The following DCLRE1C variants were observed in gnomAD, a reference collection of about 807,000 sequenced individuals.
DCLRE1C encodes protein artemis.
Under a neutral mutation model 61.4 loss-of-function variants are expected in DCLRE1C, and 47 were observed. That is an observed-to-expected ratio of 0.77 (90% confidence interval 0.61 to 0.98). The LOEUF is 0.98. DCLRE1C is among the 50% of genes least tolerant of loss of function. The pLI is 0.00. For missense variants in DCLRE1C, 858 were observed against 816.0 expected, an observed-to-expected ratio of 1.05 and a Z score of -0.63; for synonymous variants, 337 against 287.6, an observed-to-expected ratio of 1.17 and a Z score of -1.74.
chr10:14,935,673 A>G, intron 5 of DCLRE1C, 109 bp from the exon 6 acceptor site: 2 of 1,071,470 alleles, frequency 1.9e-6, no homozygotes, highest in Non-Finnish European at 2.9e-6. Flanking sequence ...ATCCATTACA[A>G]TACAATGGTA....
At chr10:14,949,235 T>C in intron 1 of DCLRE1C, 148 bp from the exon 2 acceptor site, 2 of 657,948 alleles carry the variant, frequency 3.0e-6, no homozygotes, top group Non-Finnish European at 2.7e-6. Context: ...TATGAGCTCT[T>C]TCTTCTGCAA....
chr10:14,941,829 A>G (rs1379022994), intron 3 of DCLRE1C, among the ~76,000 whole-genome samples: 1 of 152,074 alleles, frequency 6.6e-6, no homozygotes, highest in Non-Finnish European at 1.5e-5. Flanking sequence ...TCATTAGTCC[A>G]CATTCACACA....
At chr10:14,941,138 A>G (rs1362810245) in intron 3 of DCLRE1C, among the ~76,000 whole-genome samples, 1 of 152,242 alleles carries the variant, frequency 6.6e-6, no homozygotes, top group Non-Finnish European at 1.5e-5. Context: ...TCAGCCTCCC[A>G]AAGTGCTGCG....
intron 1 of DCLRE1C, among the ~76,000 whole-genome samples, chr10:14,953,590 T>A (rs1169917889): frequency 6.6e-6 from 1 of 152,148 alleles, no homozygotes; most frequent in Admixed American, 6.6e-5. Context: ...AGCGAGGCTC[T>A]GAGGGAAGTA....
At position 14,906,066 on chromosome 10, in the gene DCLRE1C, C is replaced by G. The variant is rs931115137; in HGVS notation, c.*2342G>C. ...AACCAAGTAGCTGCTACAATTAACC[C>G]TGCTCATGTTTATACTTTTTTGGAG... On this transcript the variant is annotated 3_prime_UTR_variant, in exon 14 of 14. Coordinates refer to ENST00000378278, the MANE Select transcript of DCLRE1C (RefSeq NM_001033855.3). 6.6e-6 allele frequency among the ~76,000 whole-genome samples: 1 copy of G among 152,208 alleles called. No homozygotes were observed.
At chr10:14,936,466 C>G (rs903244367) in intron 5 of DCLRE1C, 72 bp downstream of exon 5, 8 of 1,320,630 alleles carry the variant, frequency 6.1e-6, no homozygotes, top group Non-Finnish European at 8.6e-6. Context: ...ATTTTAGACC[C>G]TAAAAATTTA....
rs1035157929 is a variant in DCLRE1C at position 14,912,785 on chromosome 10, C to T, written c.1157-3455G>A. On this transcript the variant is annotated intron_variant, in intron 13 of 13. Coordinates refer to ENST00000378278, the MANE Select transcript of DCLRE1C (RefSeq NM_001033855.3). Reference sequence around the variant, plus strand: ...CTGCAAGCTCTGCCTCCTGGGTTCACGCCATTCTGCCTCCGCTGCCCTAAT... The same window carrying T: ...CTGCAAGCTCTGCCTCCTGGGTTCATGCCATTCTGCCTCCGCTGCCCTAAT... Among the ~76,000 whole-genome samples, 6 of 152,232 alleles carry T rather than the reference C, an allele frequency of 3.9e-5. No individual in the cohort carries two copies. In the East Asian group the frequency reaches 1.2e-3, roughly 29 times the overall value.
At chr10:14,912,186 A>G (rs149657091) in intron 13 of DCLRE1C, among the ~76,000 whole-genome samples, 1 of 152,290 alleles carries the variant, frequency 6.6e-6, no homozygotes, top group African/African-American at 2.4e-5. Flanking sequence ...TAAGTGCTAG[A>G]ATTACAGGCT....
rs138980689 is a variant in DCLRE1C, at chr10:14,945,350, A to G, written c.162-161T>C. ...ATAAAAACACAAATACTAGCCTGGC[A>G]TGGTTATGAAATCTATTTCATCATA... is the stretch of plus-strand genomic sequence containing the variant. On this transcript the variant is annotated intron_variant, in intron 2 of 13. Coordinates refer to ENST00000378278, the MANE Select transcript of DCLRE1C (RefSeq NM_001033855.3). 347 of 1,383,204 alleles carry G rather than the reference A, an allele frequency of 2.5e-4. 1 individual carries two copies. In the African/African-American group the frequency reaches 4.6e-3, roughly 18 times the overall value. The allele number at this position is 1,383,204 out of a possible 1,614,324, so 85.7% of individuals were successfully genotyped here.
chr10:14,910,268 T>C (rs541174115), intron 13 of DCLRE1C, among the ~76,000 whole-genome samples: 2 of 152,252 alleles, frequency 1.3e-5, no homozygotes, highest in South Asian at 2.1e-4. Flanking sequence ...GACTTGTAAC[T>C]GAACTTAGGG....
rs1457448590 is a variant in DCLRE1C at position 14,908,596 on chromosome 10, G to A, written c.1891C>T (p.Pro631Ser). 2.5e-6 allele frequency: 4 copies of A among 1,613,968 alleles called. No individual in the cohort carries two copies. The South Asian group carries it at 3.3e-5, about 13-fold the overall frequency. The change falls in exon 14 of 14, where the codon CCC (proline) becomes TCC (serine). Residue 631 changes from proline (P) to serine (S), a missense_variant. This residue lies in a region of DCLRE1C where 843 missense variants were observed against 783.5 expected (regional missense o/e 1.08). Transcript: ENST00000378278. ...AGATTTAGCAAACTTTTTTCCTCGGGTATATGTGTCTCACTGCTTAGAGTA... is the reference window on the plus strand; with the variant it reads ...AGATTTAGCAAACTTTTTTCCTCGGATATATGTGTCTCACTGCTTAGAGTA... Reference protein sequence around the residue: ...PTTLSSETHIPEEKSLLNLST... With the variant: ...PTTLSSETHISEEKSLLNLST...
chr10:14,930,862 A>T (rs1001020210), intron 9 of DCLRE1C, among the ~76,000 whole-genome samples: 3 of 152,252 alleles, frequency 2.0e-5, no homozygotes, highest in African/African-American at 7.2e-5. Context: ...CCTGAATGCA[A>T]CATAGAATAT....
downstream of DCLRE1C, chr10:14,903,762 T>C (rs1411624149): frequency 6.6e-6 from 1 of 152,206 alleles, no homozygotes; most frequent in African/African-American, 2.4e-5. Flanking sequence ...AAATGATAAA[T>C]GCAGCAAATC....
chr10:14,902,369 C>A, downstream of DCLRE1C: 1 of 1,402,956 alleles, frequency 7.1e-7, no homozygotes, highest in Non-Finnish European at 9.8e-7. Flanking sequence ...ATTGTCTTAA[C>A]TCTCTTTCTC....
chr10:14,902,310 A>G (rs1834080011), downstream of DCLRE1C: 1 of 757,446 alleles, frequency 1.3e-6, no homozygotes, highest in Non-Finnish European at 2.1e-6. Flanking sequence ...AGTACCCTCT[A>G]TCACTGATAA....
Position 14,927,951 on chromosome 10 carries a change from A to G in DCLRE1C, c.917+65T>C, listed in dbSNP as rs532316501. 3.0e-4 allele frequency: 465 copies of G among 1,528,064 alleles called. 7 individuals are homozygous for G. Among genetic ancestry groups the G allele is most frequent in the Admixed American group, 1.0e-4 (6 of 59,672 alleles). 94.7% of individuals were successfully genotyped at this position (1,528,064 alleles called of 1,614,324 possible). ...TGGGCTTAGGCTAGACTGTGCTTAA[A>G]TGAAATTAAATCAGACAATTTACTC... On this transcript the variant is annotated intron_variant, in intron 10 of 13. Transcript: ENST00000378278.
intron 13 of DCLRE1C, among the ~76,000 whole-genome samples, chr10:14,916,721 C>G (rs565446744): frequency 2.6e-5 from 4 of 152,132 alleles, no homozygotes; most frequent in Non-Finnish European, 5.9e-5. Flanking sequence ...CAGACTTATA[C>G]GCTGGAAATC....
intron 10 of DCLRE1C, among the ~76,000 whole-genome samples, 168 bp from the exon 11 acceptor site, chr10:14,927,065 C>A (rs1838126707): frequency 6.6e-6 from 1 of 152,160 alleles, no homozygotes; most frequent in Admixed American, 6.5e-5. Context: ...CTTGGGATAG[C>A]AGGGAACCTT....
At chr10:14,909,372 G>C (rs896039199) in intron 13 of DCLRE1C, 42 bp from the exon 14 acceptor site, 2 of 1,573,082 alleles carry the variant, frequency 1.3e-6, no homozygotes, top group Non-Finnish European at 1.7e-6. Flanking sequence ...ACAAGGCAAA[G>C]GGAGCCAATT....
Sources: allele counts gnomAD v4.1 joint callset (sites outside exome capture counted in the v4.1 genomes callset), GRCh38; gene constraint gnomAD v4.1.1; regional missense constraint gnomAD v4.1.1; transcripts MANE v1.5; gene names NCBI Gene and HGNC (gene_info 2026-07-23, HGNC 2026-07-21).